The following C1QTNF5 variants were observed in gnomAD, a reference collection of about 807,000 sequenced individuals.
C1QTNF5 encodes the protein C1q and TNF related 5.
C1QTNF5 carries 5 observed loss-of-function variants against 10.9 expected under a neutral mutation model. The ratio of observed to expected loss-of-function variants is 0.46; its 90% CI spans 0.24 to 0.97. C1QTNF5 has a LOEUF of 0.97. C1QTNF5 is among the 50% of genes least tolerant of loss of function. C1QTNF5 has a pLI of 0.19. For synonymous variants in C1QTNF5, 161 were observed against 156.5 expected (o/e 1.03, Z -0.22); for missense variants, 281 against 339.4 (o/e 0.83, Z 1.35).
chr11:119,344,014 T>C (rs774529645), upstream of C1QTNF5: 7 of 1,606,674 alleles, frequency 4.4e-6, no homozygotes, highest in Admixed American at 1.7e-5. Context: ...TCCTGTCTCA[T>C]CCCGGGCACC....
Position 119,340,401 on chromosome 11 carries a change from G to T in C1QTNF5, c.-4C>A. The stretch of plus-strand genomic sequence containing the variant: ...GCAGGACGAGGAGTGGCCTCATAGC[G>T]CTGGCACCGGGAGCCCGGACGCCGG... On this transcript the variant is annotated 5_prime_UTR_variant, in exon 2 of 3. Coordinates refer to ENST00000528368, the MANE Select transcript of C1QTNF5 (RefSeq NM_001278431.2). The T allele has an allele frequency of 1.3e-6, 2 of 1,544,176 alleles. No individual in the cohort carries two copies. The highest frequency in any genetic ancestry group is 8.7e-7 in the Non-Finnish European group (1 of 1,146,062).
chr11:119,345,035 G>A (rs776950274), upstream of C1QTNF5: 2 of 1,591,854 alleles, frequency 1.3e-6, no homozygotes, highest in Non-Finnish European at 1.7e-6. Flanking sequence ...GGTGAGGGAG[G>A]CTCCAAGAGC....
intron 1 of C1QTNF5, 87 bp downstream of exon 1, chr11:119,340,608 G>C (rs1174251518): frequency 1.8e-6 from 1 of 568,278 alleles, no homozygotes; most frequent in Admixed American, 3.4e-5. Flanking sequence ...GGGTGGGAGC[G>C]GCCAGCCCTC....
upstream of C1QTNF5, chr11:119,344,202 C>A: frequency 8.9e-7 from 1 of 1,129,592 alleles, no homozygotes; most frequent in Non-Finnish European, 1.3e-6. Flanking sequence ...TGCTTGATCT[C>A]TGACCTTCCC....
upstream of C1QTNF5, chr11:119,341,211 T>G: frequency 2.7e-6 from 1 of 369,378 alleles, no homozygotes; most frequent in African/African-American, 2.0e-5. Context: ...GCTCAGTACA[T>G]TTTTGTTGAA....
At chr11:119,341,485 T>A, upstream of C1QTNF5, 1 of 1,397,676 alleles carries the variant, frequency 7.2e-7, no homozygotes, top group Non-Finnish European at 1.0e-6. Context: ...TTTGTTCCCC[T>A]GCGTGCCAGC....
upstream of C1QTNF5, chr11:119,341,386 G>A (rs1950500857): frequency 6.3e-6 from 4 of 631,308 alleles, no homozygotes; most frequent in Non-Finnish European, 1.1e-5. Context: ...AGGGTGGTAG[G>A]GTCCCATGAG....
At chr11:119,340,072 G>A in intron 2 of C1QTNF5, 112 bp downstream of exon 2, 1 of 1,337,784 alleles carries the variant, frequency 7.5e-7, no homozygotes. Context: ...GCTGCAAAGC[G>A]CGGGGAGTGG....
upstream of C1QTNF5, chr11:119,342,942 A>G: frequency 2.5e-6 from 4 of 1,612,450 alleles, no homozygotes; most frequent in Non-Finnish European, 2.5e-6. Flanking sequence ...TCTGTCCTAA[A>G]CAGCACAGCC....
At position 119,339,479 on chromosome 11, in the gene C1QTNF5, GC is replaced by G. The variant is rs369839371; in HGVS notation, c.583del (p.Ala195ProfsTer3). The G allele has an allele frequency of 6.8e-6, 11 of 1,613,302 alleles. No homozygotes were observed. Among genetic ancestry groups the G allele is most frequent in the African/African-American group, 2.7e-5 (2 of 74,914 alleles). The stretch of plus-strand genomic sequence containing the variant: ...GTCCTCAGGCTCCAGCCTCACCATG[GC>G]CCCCCCCGAGAGCGAGGCTGGCTTG... ...WPKPASLSGG[A>X]MVRLEPEDQV... On this transcript the variant is annotated frameshift_variant, in exon 3 of 3. Transcript: ENST00000528368. LOFTEE classifies it high-confidence loss of function. The surrounding 1 kb of genome is among the most constrained non-coding windows in gnomAD (Gnocchi z 5.4).
At chr11:119,340,998 C>G (rs534142601), upstream of C1QTNF5, 1 of 178,456 alleles carries the variant, frequency 5.6e-6, no homozygotes, top group South Asian at 1.2e-4. Context: ...GAGCTGGGCA[C>G]AGAGAGGCAG....
chr11:119,345,520 C>A (rs751178967), upstream of C1QTNF5: 1 of 1,614,058 alleles, frequency 6.2e-7, no homozygotes. Context: ...AGCTGTATTG[C>A]ATGGTCTGTG....
At chr11:119,342,680 C>T, upstream of C1QTNF5, 1 of 1,613,720 alleles carries the variant, frequency 6.2e-7, no homozygotes, top group Non-Finnish European at 8.5e-7. Context: ...CACTGCACAC[C>T]CTTACACCCT....
upstream of C1QTNF5, chr11:119,345,100 C>T (rs371055033): frequency 1.0e-5 from 15 of 1,488,964 alleles, no homozygotes; most frequent in African/African-American, 5.5e-5. Context: ...TTCTCAACCC[C>T]CAAACTGGTG....
rs1950489495 is a variant in C1QTNF5, at chr11:119,340,334, T to C, written c.64A>G (p.Asn22Asp). 1.9e-6 allele frequency: 3 copies of C among 1,543,304 alleles called. No individual in the cohort carries two copies. The East Asian group carries it at 7.4e-5, about 38-fold the overall frequency. Reference sequence around the variant, plus strand: ...CCCGGGCAGAGGCTGGGGATCTTGTTGTCGTCCAGTGGGGGCGAGCCGGCC... The same window carrying C: ...CCCGGGCAGAGGCTGGGGATCTTGTCGTCGTCCAGTGGGGGCGAGCCGGCC... ...LAAGSPPLDD[N>D]KIPSLCPGHP... The change falls in exon 2 of 3, where the codon AAC (asparagine) becomes GAC (aspartate). Residue 22 changes from asparagine (N) to aspartate (D), a missense_variant. Coordinates refer to ENST00000528368, the MANE Select transcript of C1QTNF5 (RefSeq NM_001278431.2).
At position 119,339,269 on chromosome 11, in the gene C1QTNF5, T is replaced by A. The variant is rs9640; in HGVS notation, c.*62A>T. The A allele has an allele frequency of 0.14, 216,962 of 1,558,354 alleles. 16,444 individuals are homozygous for A. The highest frequency in any genetic ancestry group is 0.25 in the African/African-American group (18,078 of 73,164). ...GGGGGGCCAGCCCTCCTGGATGACC[T>A]GGTTGTCAGCCTCACACCCTCCTTC... On this transcript the variant is annotated 3_prime_UTR_variant, in exon 3 of 3. Coordinates refer to ENST00000528368, the MANE Select transcript of C1QTNF5 (RefSeq NM_001278431.2). This position sits in a 1 kb window ranked among gnomAD's most constrained non-coding sequence, Gnocchi z 5.4.
chr11:119,344,943 A>G (rs1324743137), upstream of C1QTNF5: 1 of 1,610,602 alleles, frequency 6.2e-7, no homozygotes, highest in Non-Finnish European at 8.5e-7. Flanking sequence ...TCAGAGACGA[A>G]GACCACCAGG....
chr11:119,346,112 A>C, the C1QTNF5 span: 1 of 1,606,774 alleles, frequency 6.2e-7, no homozygotes, highest in Non-Finnish European at 8.5e-7. Flanking sequence ...AGGAGGACAC[A>C]GAGCCAGGAG....
upstream of C1QTNF5, chr11:119,344,255 C>T (rs1950534477): frequency 1.3e-6 from 2 of 1,491,164 alleles, no homozygotes; most frequent in Non-Finnish European, 1.9e-6. Flanking sequence ...ATTACACTAA[C>T]TTGGGGATCA....
Sources: gnomAD v4.1 joint callset for allele counts on GRCh38, gnomAD v4.1.1 for gene constraint, Gnocchi (gnomAD v3.1) non-coding constraint, MANE v1.5 for transcripts, NCBI Gene and HGNC (gene_info 2026-07-23, HGNC 2026-07-21) for gene names.